FRY: variants seen among roughly 807,000 people sequenced by gnomAD.
The protein encoded by FRY is FRY microtubule binding protein.
A neutral mutation model predicts 348.4 loss-of-function variants in FRY; 128 were observed. That is an observed-to-expected ratio of 0.37 (90% confidence interval 0.32 to 0.43). FRY has a LOEUF of 0.43. Among genes scored for constraint, FRY ranks in the 20% least tolerant of loss-of-function variants. The pLI is 1.00. For synonymous variants in FRY, 1,370 were observed against 1,374.7 expected (o/e 1.00, Z 0.08); for missense variants, 2,736 against 3,695.2 (o/e 0.74, Z 6.73).
chr13:32,249,787 G>A (rs1263961447), intron 49 of FRY, 100 bp downstream of exon 49: 2 of 1,054,564 alleles, frequency 1.9e-6, no homozygotes, highest in Non-Finnish European at 2.9e-6. Context: ...TCCCAAGGTT[G>A]CCCATATAGG....
chr13:32,205,354 C>T (rs1400717130), intron 31 of FRY, among the ~76,000 whole-genome samples: 1 of 151,944 alleles, frequency 6.6e-6, no homozygotes, highest in Non-Finnish European at 1.5e-5. Context: ...AAAGAATTCC[C>T]AGAGAGAAGT....
intron 16 of FRY, 91 bp downstream of exon 16, chr13:32,157,496 TC>T: frequency 7.8e-7 from 1 of 1,276,482 alleles, no homozygotes; most frequent in Non-Finnish European, 1.1e-6. Flanking sequence ...TTTGTTTTCA[TC>T]TTCTTAGGGT....
At position 32,178,353 on chromosome 13, in the gene FRY, C is replaced by G. The variant is rs537643914; in HGVS notation, c.2598C>G (p.Pro866=). 5.6e-6 allele frequency: 9 copies of G among 1,614,184 alleles called. No homozygotes were observed. In the South Asian group the frequency reaches 8.8e-5, roughly 16 times the overall value. The part of the protein sequence containing the change: ...LFSFLRQENL[P]KHCPTALSYA... ...GCTTCCTCCGGCAGGAGAACTTACC[C>G]AAGCACTGCCCCACAGCCCTCAGCT... is the stretch of plus-strand genomic sequence containing the variant. Residue 866 remains proline, a synonymous_variant, in exon 21 of 61, where the codon CCC becomes CCG. Transcript: ENST00000542859.
Position 32,161,286 on chromosome 13 carries a change from C to T in FRY, c.1892+35C>T, listed in dbSNP as rs564886106. 64 of 1,257,400 alleles carry T rather than the reference C, an allele frequency of 5.1e-5. No individual in the cohort carries two copies. In the Middle Eastern group the frequency reaches 9.4e-4, roughly 18 times the overall value. The allele number at this position is 1,257,400 out of a possible 1,614,324, so 77.9% of individuals were successfully genotyped here. A position where few individuals can be genotyped will look rare whatever the true frequency, so the allele number is the denominator to read the frequency against. On this transcript the variant is annotated intron_variant, in intron 17 of 60. Transcript: ENST00000542859. ...AATATTATTTGGCCAAAATTAATTTCGATCCTTTGTTGTGACTCCTGAAAA... is the reference window on the plus strand; with the variant it reads ...AATATTATTTGGCCAAAATTAATTTTGATCCTTTGTTGTGACTCCTGAAAA...
At chr13:32,065,331 A>G (rs1222744413) in intron 1 of FRY, among the ~76,000 whole-genome samples, 1 of 152,040 alleles carries the variant, frequency 6.6e-6, no homozygotes, top group Non-Finnish European at 1.5e-5. Context: ...TTTGAGACAG[A>G]GTTTTACTCC....
At chr13:32,035,342 C>G (rs578142167) in intron 1 of FRY, among the ~76,000 whole-genome samples, 1 of 152,270 alleles carries the variant, frequency 6.6e-6, no homozygotes, top group Admixed American at 6.5e-5. Flanking sequence ...CCCTTGACTA[C>G]TTTAACTTTC....
intron 59 of FRY, among the ~76,000 whole-genome samples, chr13:32,292,912 C>T (rs1186792078): frequency 1.3e-5 from 2 of 152,154 alleles, no homozygotes; most frequent in African/African-American, 2.4e-5. Flanking sequence ...AGTCAGCAGC[C>T]ATTAACATTA....
At chr13:32,073,904 G>A (rs934982800) in intron 1 of FRY, among the ~76,000 whole-genome samples, 3 of 152,144 alleles carry the variant, frequency 2.0e-5, no homozygotes, top group African/African-American at 7.2e-5. Context: ...ATGAGCTGTG[G>A]AGGTGTTTAT....
intron 58 of FRY, among the ~76,000 whole-genome samples, chr13:32,289,121 T>C (rs1889213085): frequency 6.6e-6 from 1 of 152,242 alleles, no homozygotes; most frequent in Admixed American, 6.5e-5. Flanking sequence ...TTTATCTCTC[T>C]TTAATTCAAC....
Position 32,046,858 on chromosome 13 carries a change from A to G in FRY, c.70+14993A>G, listed in dbSNP as rs1048547127. 2.6e-5 allele frequency among the ~76,000 whole-genome samples: 4 copies of G among 152,236 alleles called. No individual in the cohort carries two copies. The South Asian group carries it at 8.3e-4, about 31-fold the overall frequency. The stretch of plus-strand genomic sequence containing the variant: ...TTTTTATGTAATACAAAATATAGAA[A>G]GAAATTATGTAGGCTCATTTGATTT... On this transcript the variant is annotated intron_variant, in intron 1 of 60. Transcript: ENST00000542859.
intron 1 of FRY, among the ~76,000 whole-genome samples, chr13:32,075,570 C>A (rs565813410): frequency 6.6e-5 from 10 of 152,296 alleles, no homozygotes; most frequent in African/African-American, 2.4e-4. Context: ...AATGATAATG[C>A]TCTAATATTT....
intron 2 of FRY, 145 bp downstream of exon 2, chr13:32,079,178 ATAGT>A (rs1346670844): frequency 1.5e-5 from 11 of 730,884 alleles, no homozygotes; most frequent in Non-Finnish European, 2.4e-5. Flanking sequence ...TTTAAAGATA[ATAGT>A]TAGGTTCCCT....
intron 11 of FRY, among the ~76,000 whole-genome samples, chr13:32,144,322 C>T (rs2518794): frequency 0.3 from 43,580 of 145,728 alleles, 6,740 homozygotes; most frequent in Non-Finnish European, 0.34. Context: ...AGAATAAACA[C>T]GCAAGAACAT....
intron 35 of FRY, among the ~76,000 whole-genome samples, chr13:32,214,257 AT>A (rs1258149344): frequency 1.3e-5 from 2 of 152,148 alleles, no homozygotes; most frequent in African/African-American, 4.8e-5. Context: ...TCATGTTGAT[AT>A]ATGGGTGCTT....
In FRY at chr13:32,209,581, A is replaced by G. The variant is rs369532807; in HGVS notation, c.4276-4A>G. 2.5e-6 allele frequency: 4 copies of G among 1,613,836 alleles called. No homozygotes were observed. The highest frequency in any genetic ancestry group is 3.4e-6 in the Non-Finnish European group (4 of 1,179,830). ...CTCTTGGGCCGGTTTTTATTTTGTTATAGTATGGAGATGAAGTTCCTGGGC... is the reference window on the plus strand; with the variant it reads ...CTCTTGGGCCGGTTTTTATTTTGTTGTAGTATGGAGATGAAGTTCCTGGGC... On this transcript the variant is annotated splice_polypyrimidine_tract_variant and splice_region_variant and intron_variant, in intron 32 of 60. Coordinates refer to ENST00000542859, the MANE Select transcript of FRY (RefSeq NM_023037.3).
chr13:32,190,081 T>C (rs1464748939), intron 28 of FRY, among the ~76,000 whole-genome samples: 1 of 151,936 alleles, frequency 6.6e-6, no homozygotes, highest in Non-Finnish European at 1.5e-5. Flanking sequence ...GAAAAGCATT[T>C]GTTAAAGTTC....
intron 18 of FRY, among the ~76,000 whole-genome samples, chr13:32,172,340 GATATGGATGTAC>G (rs1346923637): frequency 6.6e-6 from 1 of 152,174 alleles, no homozygotes; most frequent in African/African-American, 2.4e-5. Flanking sequence ...TGTGGATGTA[GATATGGATGTAC>G]ATATTGATAT....
chr13:32,050,219 G>A (rs1325212550), intron 1 of FRY, among the ~76,000 whole-genome samples: 1 of 152,188 alleles, frequency 6.6e-6, no homozygotes, highest in African/African-American at 2.4e-5. Context: ...AATGGATACT[G>A]CATAGCTTGT....
chr13:32,237,932 A>G lies in FRY; in HGVS notation c.6364A>G (p.Ser2122Gly), dbSNP rs1405862868. 6.2e-7 allele frequency: 1 copy of G among 1,614,066 alleles called. No individual in the cohort carries two copies. The highest frequency in any genetic ancestry group is 1.7e-5 in the Admixed American group (1 of 60,024). Residue 2122 changes from serine (S) to glycine (G), a missense_variant, in exon 44 of 61, where the codon AGT becomes GGT. Physicochemically the swap from Ser to Gly is moderately conservative, Grantham distance 56. This residue lies in a region of FRY where 789 missense variants were observed against 996.2 expected (regional missense o/e 0.79). Transcript: ENST00000542859. This position sits in a 1 kb window ranked among gnomAD's most constrained non-coding sequence, Gnocchi z 6.3. ...CACAGACCTGACCCTGCAGCTCTTC[A>G]GTCTGCTGACACCAGTGTCCAAAAT... ...TTTDLTLQLF[S>G]LLTPVSKISM...
Sources: allele counts gnomAD v4.1 joint callset (sites outside exome capture counted in the v4.1 genomes callset), GRCh38; gene constraint gnomAD v4.1.1; regional missense constraint gnomAD v4.1.1; non-coding constraint Gnocchi (gnomAD v3.1); transcripts MANE v1.5; gene names NCBI Gene and HGNC (gene_info 2026-07-23, HGNC 2026-07-21).